Variants in TENM2 observed in about 807,000 individuals in gnomAD.
TENM2 encodes the protein teneurin transmembrane protein 2, also known as teneurin-2.
A neutral mutation model predicts 245.2 loss-of-function variants in TENM2; 52 were observed. That is an observed-to-expected ratio of 0.21 (90% CI 0.17 to 0.27). The LOEUF (loss-of-function observed/expected upper bound fraction) is 0.27, where lower values mean the gene tolerates loss of function less well. Among genes scored for constraint, TENM2 ranks in the 10% least tolerant of loss-of-function variants. TENM2 has a pLI of 1.00. For missense variants in TENM2, 3,046 were observed against 3,666.8 expected, an observed-to-expected ratio of 0.83 and a Z score of 4.37; for synonymous variants, 1,363 against 1,438.9, an observed-to-expected ratio of 0.95 and a Z score of 1.19.
At chr5:167,853,136 A>G (rs999280998) in intron 2 of TENM2, among the ~76,000 whole-genome samples, 4 of 151,296 alleles carry the variant, frequency 2.6e-5, no homozygotes, top group African/African-American at 7.3e-5. Context: ...AAAATACAAA[A>G]AAAATTAGCC....
chr5:167,137,082 A>T, the TENM2 span, among the ~76,000 whole-genome samples: 1 of 152,082 alleles, frequency 6.6e-6, no homozygotes, highest in East Asian at 1.9e-4. Flanking sequence ...TGAGGGTGAT[A>T]TCTCCCTCTC....
rs191208911 is a variant in TENM2 at position 167,474,672 on chromosome 5, A to T, written c.502+99199A>T. Among the ~76,000 whole-genome samples, 534 of 151,814 alleles carry T rather than the reference A, an allele frequency of 3.5e-3. 31 individuals carry two copies. In the South Asian group the frequency reaches 0.096, roughly 27 times the overall value. ...TGGGATTACAGGCGCTCACTACCAC[A>T]CCTGGCTAATTTTTGTATTTTTTAG... On this transcript the variant is annotated intron_variant, in intron 2 of 28. Transcript: ENST00000518659.
At chr5:167,965,155 T>C (rs1484825508) in intron 4 of TENM2, 1 of 152,188 alleles carries the variant, frequency 6.6e-6, no homozygotes, top group Non-Finnish European at 1.5e-5. Flanking sequence ...GATTTGAAGA[T>C]GAAGGTTAGG....
chr5:167,185,658 C>T, the TENM2 span, among the ~76,000 whole-genome samples: 1 of 152,168 alleles, frequency 6.6e-6, no homozygotes, highest in Non-Finnish European at 1.5e-5. Flanking sequence ...TATAGAACCA[C>T]ACAATGGTGA....
intron 2 of TENM2, among the ~76,000 whole-genome samples, chr5:167,584,867 A>C (rs11748954): frequency 1.3e-5 from 2 of 151,692 alleles, no homozygotes; most frequent in African/African-American, 4.8e-5. Context: ...GCTAATTTTT[A>C]TATTTTTAGT....
chr5:167,524,030 A>G (rs556614753), intron 2 of TENM2, among the ~76,000 whole-genome samples: 3 of 152,130 alleles, frequency 2.0e-5, no homozygotes, highest in Non-Finnish European at 4.4e-5. Flanking sequence ...CTGGTTATTC[A>G]TCTCAGTTAG....
chr5:167,602,391 C>G (rs1181483108), intron 2 of TENM2, among the ~76,000 whole-genome samples: 1 of 152,158 alleles, frequency 6.6e-6, no homozygotes, highest in African/African-American at 2.4e-5. Context: ...TGTGTCACCT[C>G]TCCACTCAGG....
At chr5:168,245,567 G>A (rs1214634009) in intron 26 of TENM2, among the ~76,000 whole-genome samples, 2 of 125,080 alleles carry the variant, frequency 1.6e-5, no homozygotes, top group East Asian at 4.1e-4. Context: ...AGGTTGGAGT[G>A]GCGGTAAAAA....
chr5:167,229,096 C>A, the TENM2 span, among the ~76,000 whole-genome samples: 1 of 152,182 alleles, frequency 6.6e-6, no homozygotes, highest in South Asian at 2.1e-4. Flanking sequence ...GGCTTTGAAT[C>A]TGGATGTGTG....
At chr5:167,138,363 A>G in the TENM2 span, among the ~76,000 whole-genome samples, 2 of 152,240 alleles carry the variant, frequency 1.3e-5, no homozygotes, top group Non-Finnish European at 2.9e-5. Context: ...GGAATGACCC[A>G]GAGCTAGAGT....
intron 2 of TENM2, among the ~76,000 whole-genome samples, chr5:167,617,933 C>T (rs761060313): frequency 6.6e-6 from 1 of 152,146 alleles, no homozygotes; most frequent in Non-Finnish European, 1.5e-5. Flanking sequence ...CCAGTGATGG[C>T]TGAGCCATCT....
chr5:167,183,409 C>A, the TENM2 span, among the ~76,000 whole-genome samples: 4 of 152,156 alleles, frequency 2.6e-5, no homozygotes, highest in African/African-American at 9.7e-5. Flanking sequence ...ATACCAGGAA[C>A]AAATAACATG....
intron 2 of TENM2, among the ~76,000 whole-genome samples, chr5:167,850,844 A>G (rs546513427): frequency 6.6e-6 from 1 of 152,326 alleles, no homozygotes; most frequent in South Asian, 2.1e-4. Context: ...CAACGAGTTA[A>G]TAGTAGCTCT....
chr5:167,672,882 C>A (rs1406342366), intron 2 of TENM2, among the ~76,000 whole-genome samples: 1 of 147,486 alleles, frequency 6.8e-6, no homozygotes, highest in Non-Finnish European at 1.5e-5. Context: ...AAAATTAGTT[C>A]TACTCTTCTA....
chr5:167,703,440 G>A (rs937611703), intron 2 of TENM2, among the ~76,000 whole-genome samples: 12 of 149,724 alleles, frequency 8.0e-5, no homozygotes, highest in South Asian at 2.1e-4. Context: ...GCTGATGTGG[G>A]AGAACTGCTT....
intron 2 of TENM2, among the ~76,000 whole-genome samples, chr5:167,856,133 G>C (rs1039424054): frequency 6.6e-6 from 1 of 152,100 alleles, no homozygotes; most frequent in Non-Finnish European, 1.5e-5. Flanking sequence ...CCACCTCTTT[G>C]CTTAAACAAA....
At chr5:167,950,917 C>A (rs1368199018) in intron 3 of TENM2, among the ~76,000 whole-genome samples, 2 of 152,180 alleles carry the variant, frequency 1.3e-5, no homozygotes, top group Admixed American at 6.6e-5. Context: ...AAAATCTATA[C>A]AACTGTACAG....
chr5:167,570,607 T>A (rs1400771300), intron 2 of TENM2, among the ~76,000 whole-genome samples: 1 of 152,134 alleles, frequency 6.6e-6, no homozygotes, highest in African/African-American at 2.4e-5. Flanking sequence ...AAGGCGGTGT[T>A]ACGATCTCTG....
intron 6 of TENM2, among the ~76,000 whole-genome samples, chr5:168,056,741 A>C (rs1336539768): frequency 6.6e-6 from 1 of 152,202 alleles, no homozygotes; most frequent in Non-Finnish European, 1.5e-5. Flanking sequence ...AATTCCATTC[A>C]TGGTACGTGT....
Sources: allele counts gnomAD v4.1 joint callset (sites outside exome capture counted in the v4.1 genomes callset), GRCh38; gene constraint gnomAD v4.1.1; transcripts MANE v1.5; gene names NCBI Gene and HGNC (gene_info 2026-07-23, HGNC 2026-07-21).